Variants in PLCZ1 observed in about 807,000 individuals in gnomAD.
PLCZ1 encodes phospholipase C zeta 1.
Under a neutral mutation model 76.8 loss-of-function variants are expected in PLCZ1, and 64 were observed. The observed-to-expected ratio is 0.83, with a 90% confidence interval of 0.68 to 1.03. The LOEUF (loss-of-function observed/expected upper bound fraction) is 1.03. Ranked by LOEUF, PLCZ1 falls within the 50% of genes least tolerant of loss-of-function variation. The probability of loss-of-function intolerance (pLI) is 0.00; values close to 1 mark genes in which losing one functional copy is unlikely to be tolerated. For synonymous variants in PLCZ1, 248 were observed against 230.8 expected (o/e 1.07, Z -0.68); for missense variants, 751 against 713.7 (o/e 1.05, Z -0.60).
In PLCZ1 at chr12:18,705,160, T is replaced by C; in HGVS notation, c.864+6A>G. On this transcript the variant is annotated splice_donor_region_variant and intron_variant, in intron 7 of 14. Coordinates refer to ENST00000266505, the MANE Select transcript of PLCZ1 (RefSeq NM_033123.4). The stretch of plus-strand genomic sequence containing the variant: ...TTAACCTGAGTTTCTCAGAAAAAAA[T>C]GTTACCTCTGGTGATGGTAGAGTAT... 1.2e-6 allele frequency: 2 copies of C among 1,613,814 alleles called. No homozygotes were observed. Among genetic ancestry groups the C allele is most frequent in the South Asian group, 1.1e-5 (1 of 91,082 alleles).
At chr12:18,662,536 A>C in the PLCZ1 span, among the ~76,000 whole-genome samples, 38 of 152,300 alleles carry the variant, frequency 2.5e-4, 1 homozygote, top group East Asian at 5.4e-3. Context: ...AAAGATCCAC[A>C]GTAAAGGTAA....
Position 18,688,180 on chromosome 12 carries a change from T to C in PLCZ1, c.1500A>G (p.Ser500=). The C allele has an allele frequency of 6.2e-7, 1 of 1,611,118 alleles. No individual in the cohort carries two copies. The highest frequency in any genetic ancestry group is 8.5e-7 in the Non-Finnish European group (1 of 1,178,766). The change falls in exon 13 of 15, where the codon TCA becomes TCG. Residue 500 remains serine (S), a synonymous_variant. Coordinates refer to ENST00000266505, the MANE Select transcript of PLCZ1 (RefSeq NM_033123.4). ...TTACTAATGAATCACCTTTGTTAGA[T>C]GATGAATGAGTAAGAGGCAACTGGA... ...SGIQLPLTHS[S]SNKGDSLVII... is the part of the protein sequence containing the mutation.
Position 18,694,948 on chromosome 12 carries a change from T to C in PLCZ1, c.1423A>G (p.Asn475Asp). 2 of 1,603,866 alleles carry C rather than the reference T, an allele frequency of 1.2e-6. No homozygotes were observed. The highest frequency in any genetic ancestry group is 1.7e-6 in the Non-Finnish European group (2 of 1,171,644). The change falls in exon 12 of 15, where the codon AAC (asparagine) becomes GAC (aspartate). Residue 475 changes from asparagine to aspartate, a missense_variant. Coordinates refer to ENST00000266505, the MANE Select transcript of PLCZ1 (RefSeq NM_033123.4). ...GTAATTGGCATACCCTCTTTTATGTTACTTGGGTTAAAGTATGATTTACTC... is the reference window on the plus strand; with the variant it reads ...GTAATTGGCATACCCTCTTTTATGTCACTTGGGTTAAAGTATGATTTACTC... Reference protein sequence around the residue: ...RESKSYFNPSNIKEGMPITLT... With the variant: ...RESKSYFNPSDIKEGMPITLT...
the PLCZ1 span, among the ~76,000 whole-genome samples, chr12:18,656,101 A>C: frequency 1.3e-5 from 2 of 152,176 alleles, no homozygotes; most frequent in Non-Finnish European, 2.9e-5. Context: ...AAAAATGGTG[A>C]AGTAGGGAAG....
the PLCZ1 span, among the ~76,000 whole-genome samples, chr12:18,654,205 T>C: frequency 1.3e-5 from 2 of 150,908 alleles, no homozygotes; most frequent in East Asian, 3.9e-4. Flanking sequence ...AAAAAGTCAA[T>C]ATACTCAGGT....
In PLCZ1 at chr12:18,723,570, C is replaced by A. The variant is rs777941515; in HGVS notation, c.136-28G>T. 41 of 1,516,764 alleles carry A rather than the reference C, an allele frequency of 2.7e-5. No homozygotes were observed. The South Asian group carries it at 4.4e-4, about 16-fold the overall frequency. 94.0% of individuals were successfully genotyped at this position (1,516,764 alleles called of 1,614,324 possible). ...ACTAAAAAAATGACTGGTGGGCTCACATTGTGAGTATAAAAAATACATAAA... is the reference window on the plus strand; with the variant it reads ...ACTAAAAAAATGACTGGTGGGCTCAAATTGTGAGTATAAAAAATACATAAA... On this transcript the variant is annotated intron_variant, in intron 3 of 14. Coordinates refer to ENST00000266505, the MANE Select transcript of PLCZ1 (RefSeq NM_033123.4).
intron 13 of PLCZ1, among the ~76,000 whole-genome samples, chr12:18,687,513 C>G (rs546118059): frequency 2.0e-5 from 3 of 152,218 alleles, no homozygotes; most frequent in Admixed American, 2.0e-4. Context: ...AATGCCAGTA[C>G]TATACTGTGT....
chr12:18,704,124 G>T (rs1371968234), intron 7 of PLCZ1, among the ~76,000 whole-genome samples: 1 of 152,160 alleles, frequency 6.6e-6, no homozygotes, highest in Non-Finnish European at 1.5e-5. Context: ...TCAGGGAAAG[G>T]AAGTGGAGGT....
intron 6 of PLCZ1, among the ~76,000 whole-genome samples, chr12:18,709,943 T>C (rs923273589): frequency 6.6e-6 from 1 of 151,976 alleles, no homozygotes; most frequent in Admixed American, 6.6e-5. Context: ...TTTTCTTAAT[T>C]TCTTTCAATT....
At chr12:18,679,013 T>G (rs1305782536), downstream of PLCZ1, among the ~76,000 whole-genome samples, 1 of 152,082 alleles carries the variant, frequency 6.6e-6, no homozygotes, top group Non-Finnish European at 1.5e-5. Context: ...TGGTCATTTG[T>G]GTTTTATTTT....
chr12:18,718,965 G>A (rs1357433865), intron 5 of PLCZ1, among the ~76,000 whole-genome samples: 2 of 152,108 alleles, frequency 1.3e-5, no homozygotes, highest in African/African-American at 4.8e-5. Flanking sequence ...TAACATACAA[G>A]TCTATAAAAA....
the PLCZ1 span, among the ~76,000 whole-genome samples, chr12:18,659,189 G>A: frequency 3.9e-5 from 6 of 151,964 alleles, no homozygotes; most frequent in Non-Finnish European, 4.4e-5. Flanking sequence ...ATATATAAAG[G>A]TACTCAAAAA....
downstream of PLCZ1, among the ~76,000 whole-genome samples, chr12:18,680,575 A>G (rs1952322210): frequency 1.3e-5 from 2 of 152,036 alleles, no homozygotes; most frequent in South Asian, 4.1e-4. Context: ...CTAACCAACC[A>G]CAACCAGAAA....
chr12:18,688,180 T>A lies in PLCZ1; in HGVS notation c.1500A>T (p.Ser500=). Residue 500 remains serine, a synonymous_variant, in exon 13 of 15, where the codon TCA becomes TCT. Transcript: ENST00000266505. ...SGIQLPLTHS[S]SNKGDSLVII... ...TTACTAATGAATCACCTTTGTTAGATGATGAATGAGTAAGAGGCAACTGGA... is the reference window on the plus strand; with the variant it reads ...TTACTAATGAATCACCTTTGTTAGAAGATGAATGAGTAAGAGGCAACTGGA... The A allele has an allele frequency of 1.2e-6, 2 of 1,611,118 alleles. No homozygotes were observed. The highest frequency in any genetic ancestry group is 1.1e-5 in the South Asian group (1 of 91,044).
intron 10 of PLCZ1, among the ~76,000 whole-genome samples, 157 bp downstream of exon 10, chr12:18,699,637 T>C (rs377045761): frequency 3.9e-4 from 59 of 152,274 alleles, no homozygotes; most frequent in African/African-American, 1.3e-3. Context: ...TAAAACTTAA[T>C]GAGACCTGAG....
At chr12:18,658,118 G>A in the PLCZ1 span, among the ~76,000 whole-genome samples, 11,319 of 152,164 alleles carry the variant, frequency 0.074, 477 homozygotes, top group Middle Eastern at 0.16. Context: ...TAGCAAACTT[G>A]AAAGTAAGTT....
At chr12:18,685,785 A>G (rs1945987522) in intron 13 of PLCZ1, 1 of 357,538 alleles carries the variant, frequency 2.8e-6, no homozygotes, top group Admixed American at 2.9e-5. Context: ...TTCATTACAC[A>G]TGTGCCTCTG....
the PLCZ1 span, among the ~76,000 whole-genome samples, chr12:18,674,652 A>T: frequency 3.3e-5 from 5 of 152,114 alleles, no homozygotes; most frequent in Non-Finnish European, 7.4e-5. Context: ...ATGGTCACAA[A>T]TTTTTTGCAA....
chr12:18,700,817 C>T (rs1955793235), intron 9 of PLCZ1, among the ~76,000 whole-genome samples: 1 of 152,212 alleles, frequency 6.6e-6, no homozygotes, highest in Non-Finnish European at 1.5e-5. Context: ...AATATACTTT[C>T]TTTCATCATG....
Sources: gnomAD v4.1 joint callset for allele counts (sites outside exome capture counted in the v4.1 genomes callset) on GRCh38, gnomAD v4.1.1 for gene constraint, MANE v1.5 for transcripts, NCBI Gene and HGNC (gene_info 2026-07-23, HGNC 2026-07-21) for gene names.